Variants in MYH13 observed in about 807,000 individuals in gnomAD.
The protein encoded by MYH13 is myosin heavy chain 13, also known as myosin-13.
Under a neutral mutation model 232.1 loss-of-function variants are expected in MYH13, and 177 were observed. The observed-to-expected ratio is 0.76, with a 90% confidence interval of 0.67 to 0.86. The LOEUF is 0.86. Ranked by LOEUF, MYH13 falls within the 40% of genes least tolerant of loss-of-function variation. The pLI is 0.00. For missense variants in MYH13, 2,246 were observed against 2,405.9 expected (o/e 0.93, Z 1.39); for synonymous variants, 884 against 923.5 (o/e 0.96, Z 0.78).
At chr17:10,341,642 G>C (rs544208669) in intron 16 of MYH13, among the ~76,000 whole-genome samples, 1 of 152,246 alleles carries the variant, frequency 6.6e-6, no homozygotes, top group East Asian at 1.9e-4. Flanking sequence ...TTTGTCCCCG[G>C]GGTCTAGCAT....
intron 2 of MYH13, among the ~76,000 whole-genome samples, chr17:10,368,220 G>C (rs1446380162): frequency 6.6e-6 from 1 of 152,170 alleles, no homozygotes; most frequent in Non-Finnish European, 1.5e-5. Context: ...TCAAGCTAAT[G>C]GTGGCAAATA....
intron 29 of MYH13, among the ~76,000 whole-genome samples, chr17:10,314,952 G>T (rs1216838483): frequency 6.6e-6 from 1 of 152,226 alleles, no homozygotes; most frequent in Non-Finnish European, 1.5e-5. Context: ...TCTCAAGGGT[G>T]CTCCCAAAAC....
chr17:10,322,818 A>G (rs1461775307), intron 23 of MYH13, among the ~76,000 whole-genome samples: 1 of 151,928 alleles, frequency 6.6e-6, no homozygotes, highest in African/African-American at 2.4e-5. Context: ...TATTTTTAGT[A>G]GAGACGGGGT....
intron 2 of MYH13, among the ~76,000 whole-genome samples, chr17:10,369,910 G>C (rs1370603438): frequency 3.9e-5 from 6 of 152,208 alleles, no homozygotes; most frequent in Admixed American, 3.9e-4. Flanking sequence ...CATTTGAACA[G>C]CAGAAAGAGT....
chr17:10,311,151 T>C lies in MYH13; in HGVS notation c.4608A>G (p.Leu1536=), dbSNP rs1160082273. The change falls in exon 33 of 41, where the codon CTA becomes CTG. Residue 1536 remains leucine (L), a synonymous_variant. Coordinates refer to ENST00000252172, the MANE Select transcript of MYH13 (RefSeq NM_003802.3). The part of the protein sequence containing the change: ...NLQEAEKTKK[L]VEQEKSDLQV... ...GCAGATCTGACTTTTCCTGCTCCACTAGCTTCTTGGTCTTTTCCGCTTCCT... is the reference window on the plus strand; with the variant it reads ...GCAGATCTGACTTTTCCTGCTCCACCAGCTTCTTGGTCTTTTCCGCTTCCT... 1.9e-6 allele frequency: 3 copies of C among 1,613,956 alleles called. No homozygotes were observed. The highest frequency in any genetic ancestry group is 1.7e-5 in the Admixed American group (1 of 60,018).
chr17:10,353,398 C>T (rs2071724774), intron 11 of MYH13, among the ~76,000 whole-genome samples: 1 of 152,186 alleles, frequency 6.6e-6, no homozygotes, highest in Non-Finnish European at 1.5e-5. Flanking sequence ...CAAATGAAGG[C>T]TAAGAAGCTG....
At chr17:10,351,489 C>T (rs1375202491) in intron 11 of MYH13, among the ~76,000 whole-genome samples, 1 of 152,070 alleles carries the variant, frequency 6.6e-6, no homozygotes, top group Non-Finnish European at 1.5e-5. Flanking sequence ...CATCATTTCC[C>T]AAATGAGAAA....
chr17:10,335,380 G>A (rs1023453043), intron 18 of MYH13, among the ~76,000 whole-genome samples: 25 of 152,030 alleles, frequency 1.6e-4, no homozygotes, highest in African/African-American at 6.0e-4. Flanking sequence ...CACAACACTC[G>A]TGGTCCCAAG....
chr17:10,333,418 C>T (rs917800356), intron 18 of MYH13, among the ~76,000 whole-genome samples: 5 of 152,220 alleles, frequency 3.3e-5, no homozygotes, highest in African/African-American at 1.2e-4. Flanking sequence ...ACCCCATAAC[C>T]GTGGCAGTAA....
At chr17:10,320,081 A>G in intron 26 of MYH13, 72 bp downstream of exon 26, 1 of 1,134,136 alleles carries the variant, frequency 8.8e-7, no homozygotes, top group Non-Finnish European at 1.3e-6. Flanking sequence ...CTAAAGAAAC[A>G]AGGGGGAAGG....
intron 2 of MYH13, among the ~76,000 whole-genome samples, chr17:10,365,862 TG>T: frequency 6.6e-6 from 1 of 150,470 alleles, no homozygotes; most frequent in Non-Finnish European, 1.5e-5. Flanking sequence ...TGTGTGTGTG[TG>T]TGTGTGTGTG....
At chr17:10,344,797 G>C (rs990972775) in intron 15 of MYH13, among the ~76,000 whole-genome samples, 71 of 148,346 alleles carry the variant, frequency 4.8e-4, no homozygotes, top group South Asian at 1.3e-3. Context: ...CTCCAGCCTG[G>C]GTGACAGAGC....
chr17:10,353,708 TACAC>T (rs1163299040), intron 11 of MYH13, among the ~76,000 whole-genome samples: 1 of 151,802 alleles, frequency 6.6e-6, no homozygotes, highest in Non-Finnish European at 1.5e-5. Context: ...CTACTAAAAA[TACAC>T]ACACACAAAA....
intron 12 of MYH13, among the ~76,000 whole-genome samples, chr17:10,349,257 T>C (rs932130148): frequency 4.6e-5 from 7 of 151,992 alleles, no homozygotes; most frequent in African/African-American, 1.7e-4. Flanking sequence ...CAGGCACCAT[T>C]ATGCCCAGCT....
chr17:10,303,460 C>G lies in MYH13; in HGVS notation c.5505G>C (p.Lys1835Asn). 6.2e-7 allele frequency: 1 copy of G among 1,613,996 alleles called. No homozygotes were observed. The highest frequency in any genetic ancestry group is 1.1e-5 in the South Asian group (1 of 91,080). Residue 1835 changes from lysine (K) to asparagine (N), a missense_variant, in exon 38 of 41, where the codon AAG becomes AAC. Transcript: ENST00000252172. ...ELENELDVEQ[K>N]RGAEALKGAH... ...CTCCCTTCAGGGCTTCAGCTCCCCTCTTCTGTTCCACATCAAGCTCATTTT... is the reference window on the plus strand; with the variant it reads ...CTCCCTTCAGGGCTTCAGCTCCCCTGTTCTGTTCCACATCAAGCTCATTTT...
intron 7 of MYH13, 132 bp from the exon 8 acceptor site, chr17:10,357,959 G>A: frequency 1.4e-6 from 1 of 699,590 alleles, no homozygotes; most frequent in Non-Finnish European, 2.4e-6. Context: ...GGTGGTCAGT[G>A]CAGCACCCAC....
chr17:10,327,290 C>T (rs1032335467), intron 22 of MYH13, among the ~76,000 whole-genome samples: 6 of 151,576 alleles, frequency 4.0e-5, no homozygotes, highest in Middle Eastern at 3.4e-3. Flanking sequence ...CGTGAGCCAC[C>T]GCGCCCGGCC....
At chr17:10,348,689 C>G (rs931269869) in intron 12 of MYH13, among the ~76,000 whole-genome samples, 5 of 150,266 alleles carry the variant, frequency 3.3e-5, no homozygotes, top group Non-Finnish European at 7.4e-5. Context: ...GCCTGATACT[C>G]TTTTTTTTTT....
chr17:10,312,154 A>C, intron 31 of MYH13, 78 bp from the exon 32 acceptor site: 1 of 1,512,398 alleles, frequency 6.6e-7, no homozygotes, highest in Non-Finnish European at 9.0e-7. Flanking sequence ...AAGGGCTGTC[A>C]GTAACACCAA....
Sources: gnomAD v4.1 joint callset for allele counts (sites outside exome capture counted in the v4.1 genomes callset) on GRCh38, gnomAD v4.1.1 for gene constraint, MANE v1.5 for transcripts, NCBI Gene and HGNC (gene_info 2026-07-23, HGNC 2026-07-21) for gene names.